Variants in CADPS2 observed in about 807,000 individuals in gnomAD.
CADPS2 encodes calcium dependent secretion activator 2.
A neutral mutation model predicts 172.5 loss-of-function variants in CADPS2; 93 were observed. That is an observed-to-expected ratio of 0.54 (90% CI 0.46 to 0.64). CADPS2 has a LOEUF of 0.64. Among genes scored for constraint, CADPS2 ranks in the 30% least tolerant of loss-of-function variants. The probability of loss-of-function intolerance (pLI) is 0.00; values close to 1 mark genes in which losing one functional copy is unlikely to be tolerated. For missense variants in CADPS2, 1,420 were observed against 1,565.9 expected, an observed-to-expected ratio of 0.91 and a Z score of 1.57; for synonymous variants, 546 against 555.2, an observed-to-expected ratio of 0.98 and a Z score of 0.23.
intron 8 of CADPS2, among the ~76,000 whole-genome samples, chr7:122,531,643 T>A (rs1320891325): frequency 6.6e-6 from 1 of 152,210 alleles, no homozygotes; most frequent in Non-Finnish European, 1.5e-5. Flanking sequence ...ATTGGTTTCC[T>A]AATTGCTTCA....
At chr7:122,481,698 A>G (rs1048513872) in intron 11 of CADPS2, among the ~76,000 whole-genome samples, 2 of 151,646 alleles carry the variant, frequency 1.3e-5, no homozygotes, top group African/African-American at 4.9e-5. Flanking sequence ...TTGATATCGA[A>G]TAATAGAAAG....
At chr7:122,577,551 A>T (rs1346250042) in intron 7 of CADPS2, among the ~76,000 whole-genome samples, 1 of 152,148 alleles carries the variant, frequency 6.6e-6, no homozygotes, top group Non-Finnish European at 1.5e-5. Context: ...GGTTTTATTC[A>T]CTTGCTGACT....
chr7:122,583,350 A>G (rs1216644650), intron 6 of CADPS2, among the ~76,000 whole-genome samples: 1 of 151,898 alleles, frequency 6.6e-6, no homozygotes, highest in Non-Finnish European at 1.5e-5. Flanking sequence ...AACATTAGGA[A>G]AGCCCTTGTG....
chr7:122,670,525 T>G (rs1588288206), intron 2 of CADPS2, among the ~76,000 whole-genome samples: 4 of 147,148 alleles, frequency 2.7e-5, no homozygotes, highest in Admixed American at 6.8e-5. Context: ...TGAGATGGAG[T>G]CTCACTCTGT....
intron 9 of CADPS2, among the ~76,000 whole-genome samples, chr7:122,509,400 A>G (rs1227406224): frequency 1.3e-5 from 2 of 152,188 alleles, no homozygotes. Flanking sequence ...AGAAACTTCA[A>G]GTCATGATTC....
chr7:122,746,664 C>T (rs1471132878), intron 1 of CADPS2, among the ~76,000 whole-genome samples: 3 of 151,858 alleles, frequency 2.0e-5, no homozygotes, highest in African/African-American at 4.8e-5. Flanking sequence ...CACACACCCT[C>T]ATGTTTTAAA....
chr7:122,865,258 C>T (rs1585020562), intron 1 of CADPS2, among the ~76,000 whole-genome samples: 1 of 152,164 alleles, frequency 6.6e-6, no homozygotes, highest in Admixed American at 6.5e-5. Context: ...GTTGCCAGCG[C>T]CTTGCCAGCA....
intron 1 of CADPS2, among the ~76,000 whole-genome samples, chr7:122,808,226 G>A (rs903951565): frequency 1.4e-5 from 2 of 146,670 alleles, no homozygotes; most frequent in Non-Finnish European, 3.0e-5. Flanking sequence ...TTTCTGATAT[G>A]TATTAATGGT....
At chr7:122,769,338 T>A (rs940949862) in intron 1 of CADPS2, among the ~76,000 whole-genome samples, 2 of 152,190 alleles carry the variant, frequency 1.3e-5, no homozygotes, top group Non-Finnish European at 2.9e-5. Flanking sequence ...GCTTTCCGTA[T>A]CTTGGGAAAG....
At chr7:122,327,754 T>C (rs1383196756) in intron 28 of CADPS2, among the ~76,000 whole-genome samples, 2 of 151,970 alleles carry the variant, frequency 1.3e-5, no homozygotes, top group African/African-American at 4.8e-5. Context: ...ATAATAATTT[T>C]AGAGAAAAAT....
intron 2 of CADPS2, among the ~76,000 whole-genome samples, chr7:122,705,959 T>TTATGTA (rs2087274618): frequency 4.3e-5 from 1 of 23,150 alleles, no homozygotes; most frequent in African/African-American, 2.2e-4. Flanking sequence ...ATATAATATA[T>TTATGTA]ATATAATATA....
chr7:122,484,973 T>G (rs1241070695), intron 11 of CADPS2, among the ~76,000 whole-genome samples: 1 of 152,142 alleles, frequency 6.6e-6, no homozygotes, highest in African/African-American at 2.4e-5. Flanking sequence ...TATTAGTAGA[T>G]CTATCACGGT....
intron 3 of CADPS2, among the ~76,000 whole-genome samples, chr7:122,647,178 C>T (rs1419028821): frequency 2.0e-5 from 3 of 152,056 alleles, no homozygotes; most frequent in Non-Finnish European, 4.4e-5. Flanking sequence ...CAGTGGTATT[C>T]ACAGTAAGCG....
intron 19 of CADPS2, among the ~76,000 whole-genome samples, chr7:122,411,749 A>G (rs1290248950): frequency 6.6e-6 from 1 of 152,034 alleles, no homozygotes; most frequent in Non-Finnish European, 1.5e-5. Flanking sequence ...ACACATACAC[A>G]CATACTCACA....
In CADPS2 at chr7:122,669,088, T is replaced by A. The variant is rs376647213; in HGVS notation, c.454-5519A>T. ...GCTCACGCCTGTAATCCCAGCACTT[T>A]GGGAGGCCAAGGTAAGCAGATGGCT... On this transcript the variant is annotated intron_variant, in intron 2 of 29. Coordinates refer to ENST00000449022, the MANE Select transcript of CADPS2 (RefSeq NM_017954.11). Among the ~76,000 whole-genome samples the A allele has an allele frequency of 3.1e-4, 47 of 152,220 alleles. No individual in the cohort carries two copies. The East Asian group carries it at 6.8e-3, about 22-fold the overall frequency.
chr7:122,839,613 G>A (rs1207119563), intron 1 of CADPS2, among the ~76,000 whole-genome samples: 1 of 152,116 alleles, frequency 6.6e-6, no homozygotes, highest in Non-Finnish European at 1.5e-5. Context: ...TCAAAAAGTG[G>A]GCAAAGGATA....
At chr7:122,589,059 AT>A (rs1299188819) in intron 6 of CADPS2, among the ~76,000 whole-genome samples, 1 of 151,952 alleles carries the variant, frequency 6.6e-6, no homozygotes, top group Non-Finnish European at 1.5e-5. Context: ...GAGCTGTAGT[AT>A]CCTTTAGTTT....
At position 122,491,393 on chromosome 7, in the gene CADPS2, T is replaced by G; in HGVS notation, c.1570A>C (p.Ser524Arg). The G allele has an allele frequency of 6.2e-7, 1 of 1,610,226 alleles. No individual in the cohort carries two copies. The highest frequency in any genetic ancestry group is 8.5e-7 in the Non-Finnish European group (1 of 1,177,938). ...GGTTCAGACTTCTTTTCTCTATAAC[T>G]GCACATAGCAAAGGTATATTGGCTA... ...QVSQYTFAMC[S>R]YREKKSEPQE... Residue 524 changes from serine (S) to arginine (R), a missense_variant, in exon 10 of 30, where the codon AGT (serine) becomes CGT (arginine). By Grantham distance (110) the Ser-to-Arg change is moderately radical. Transcript: ENST00000449022.
At chr7:122,782,508 T>C (rs1432952971) in intron 1 of CADPS2, among the ~76,000 whole-genome samples, 1 of 152,124 alleles carries the variant, frequency 6.6e-6, no homozygotes, top group Non-Finnish European at 1.5e-5. Flanking sequence ...CTACTCAGGA[T>C]GCTAAGGTGG....
Sources: gnomAD v4.1 joint callset for allele counts (sites outside exome capture counted in the v4.1 genomes callset) on GRCh38, gnomAD v4.1.1 for gene constraint, MANE v1.5 for transcripts, NCBI Gene and HGNC (gene_info 2026-07-23, HGNC 2026-07-21) for gene names.